Variants in LDB2 observed in about 807,000 individuals in gnomAD.
The protein encoded by LDB2 is LIM domain binding 2, also known as LIM domain-binding protein 2.
Under a neutral mutation model 44.3 loss-of-function variants are expected in LDB2, and 12 were observed. The observed-to-expected ratio is 0.27, with a 90% CI of 0.17 to 0.44. The LOEUF is 0.44. LDB2 is among the 20% of genes least tolerant of loss of function. The pLI, the probability that LDB2 is intolerant of heterozygous loss-of-function variation, is 1.00. For missense variants in LDB2, 344 were observed against 473.5 expected (o/e 0.73, Z 2.54); for synonymous variants, 164 against 174.8 (o/e 0.94, Z 0.49).
intron 1 of LDB2, among the ~76,000 whole-genome samples, chr4:16,841,801 C>A (rs1251070216): frequency 6.6e-6 from 1 of 152,192 alleles, no homozygotes; most frequent in African/African-American, 2.4e-5. Flanking sequence ...ACCAGGAGGT[C>A]ATAGGGTCCA....
At chr4:16,557,567 A>G (rs1740201627) in intron 5 of LDB2, among the ~76,000 whole-genome samples, 1 of 152,214 alleles carries the variant, frequency 6.6e-6, no homozygotes, top group African/African-American at 2.4e-5. Flanking sequence ...GGGAAGCTCA[A>G]ACTGGGTGGA....
At position 16,890,528 on chromosome 4, in the gene LDB2, C is replaced by A. The variant is rs137941947; in HGVS notation, c.132+7826G>T. Among the ~76,000 whole-genome samples, 898 of 152,252 alleles carry A rather than the reference C, an allele frequency of 5.9e-3. 7 individuals are homozygous for A. The highest frequency in any genetic ancestry group is 8.7e-3 in the Non-Finnish European group (590 of 68,016). ...AAAACTTCAAATTAGGCTGGTCCAA[C>A]GTGGTACTAATGTGAGAGAAGGGTG... On this transcript the variant is annotated intron_variant, in intron 1 of 7. Transcript: ENST00000304523.
intron 2 of LDB2, among the ~76,000 whole-genome samples, chr4:16,691,924 A>G (rs760074311): frequency 2.0e-5 from 3 of 152,120 alleles, no homozygotes; most frequent in Non-Finnish European, 4.4e-5. Context: ...TTTTATTTAC[A>G]TCTTTTCTCT....
intron 5 of LDB2, among the ~76,000 whole-genome samples, chr4:16,528,465 A>G (rs765858497): frequency 6.6e-6 from 1 of 152,250 alleles, no homozygotes; most frequent in Non-Finnish European, 1.5e-5. Context: ...CATCATAATG[A>G]GGATGTTGGC....
intron 1 of LDB2, among the ~76,000 whole-genome samples, chr4:16,840,670 C>A (rs1238580588): frequency 6.6e-6 from 1 of 152,166 alleles, no homozygotes; most frequent in African/African-American, 2.4e-5. Context: ...CAAGTTGTGA[C>A]CTTGGACGAC....
chr4:16,578,442 T>G (rs1712765191), intron 5 of LDB2, among the ~76,000 whole-genome samples: 1 of 152,046 alleles, frequency 6.6e-6, no homozygotes, highest in African/African-American at 2.4e-5. Flanking sequence ...GGCAAACAGG[T>G]ATATGAAAAG....
rs146548755 is a variant in LDB2 at position 16,666,030 on chromosome 4, C to T, written c.236-70155G>A. 2.4e-3 allele frequency among the ~76,000 whole-genome samples: 361 copies of T among 152,278 alleles called. 2 individuals carry two copies. The highest frequency in any genetic ancestry group is 3.7e-3 in the African/African-American group (153 of 41,556). ...AGAGCCCTCAGAAAGAAACAACCAA[C>T]GCTGCCGACACCTTGATTTTAGTCT... is the stretch of plus-strand genomic sequence containing the variant. On this transcript the variant is annotated intron_variant, in intron 2 of 7. Coordinates refer to ENST00000304523, the MANE Select transcript of LDB2 (RefSeq NM_001290.5).
intron 2 of LDB2, among the ~76,000 whole-genome samples, chr4:16,728,381 G>C (rs886640057): frequency 6.6e-6 from 1 of 152,120 alleles, no homozygotes; most frequent in Non-Finnish European, 1.5e-5. Flanking sequence ...AATAGAAATA[G>C]AGAGATGAGA....
At chr4:16,566,835 T>C (rs1262873260) in intron 5 of LDB2, among the ~76,000 whole-genome samples, 2 of 152,120 alleles carry the variant, frequency 1.3e-5, no homozygotes, top group Non-Finnish European at 2.9e-5. Context: ...GGATTAAGTA[T>C]ACGAACAAAC....
chr4:16,539,187 A>T (rs1577487132), intron 5 of LDB2, among the ~76,000 whole-genome samples: 1 of 152,192 alleles, frequency 6.6e-6, no homozygotes, highest in Non-Finnish European at 1.5e-5. Flanking sequence ...CTTGGGTTAG[A>T]CTTTGGGAGA....
chr4:16,584,144 G>T (rs1043490280), intron 5 of LDB2, among the ~76,000 whole-genome samples: 12 of 152,158 alleles, frequency 7.9e-5, no homozygotes, highest in Admixed American at 5.2e-4. Flanking sequence ...GTACACAGAA[G>T]GTCTCAATAC....
chr4:16,844,380 A>C (rs1336517524), intron 1 of LDB2, among the ~76,000 whole-genome samples: 1 of 151,850 alleles, frequency 6.6e-6, no homozygotes, highest in East Asian at 1.9e-4. Flanking sequence ...TTCCTTGGCC[A>C]ATGACCTCCC....
intron 1 of LDB2, among the ~76,000 whole-genome samples, chr4:16,766,310 G>A (rs1049501186): frequency 6.6e-6 from 1 of 151,468 alleles, no homozygotes; most frequent in African/African-American, 2.4e-5. Context: ...GATACATTAT[G>A]TTTTCTTCCT....
chr4:16,530,760 A>G (rs896274514), intron 5 of LDB2, among the ~76,000 whole-genome samples: 2 of 152,288 alleles, frequency 1.3e-5, no homozygotes, highest in South Asian at 4.2e-4. Context: ...AAATAGATTC[A>G]CCTGAGCCAA....
At chr4:16,633,294 G>A (rs1174408154) in intron 2 of LDB2, among the ~76,000 whole-genome samples, 1 of 152,106 alleles carries the variant, frequency 6.6e-6, no homozygotes, top group African/African-American at 2.4e-5. Context: ...TCATGGGGTG[G>A]AGGGATGGGG....
At chr4:16,689,465 A>ATTGT (rs1296287368) in intron 2 of LDB2, among the ~76,000 whole-genome samples, 1 of 152,232 alleles carries the variant, frequency 6.6e-6, no homozygotes, top group African/African-American at 2.4e-5. Context: ...ACAGTTATGC[A>ATTGT]TATTTAACAG....
chr4:16,665,841 C>A (rs1321935145), intron 2 of LDB2, among the ~76,000 whole-genome samples: 1 of 152,072 alleles, frequency 6.6e-6, no homozygotes, highest in African/African-American at 2.4e-5. Flanking sequence ...AATCTAATGA[C>A]AAGTCCTTAT....
intron 2 of LDB2, among the ~76,000 whole-genome samples, chr4:16,711,084 C>T (rs968836945): frequency 2.0e-5 from 3 of 152,246 alleles, no homozygotes; most frequent in Non-Finnish European, 2.9e-5. Context: ...ATGGCCAATG[C>T]TGACACTCTT....
chr4:16,767,226 A>G (rs1769537925), intron 1 of LDB2, among the ~76,000 whole-genome samples: 1 of 152,220 alleles, frequency 6.6e-6, no homozygotes, highest in African/African-American at 2.4e-5. Flanking sequence ...CTGCTGGGAG[A>G]AGGATGAATA....
Sources: gnomAD v4.1 joint callset for allele counts (sites outside exome capture counted in the v4.1 genomes callset) on GRCh38, gnomAD v4.1.1 for gene constraint, MANE v1.5 for transcripts, NCBI Gene and HGNC (gene_info 2026-07-23, HGNC 2026-07-21) for gene names.